Variants in CCDC152 observed in about 807,000 individuals in gnomAD.
CCDC152 encodes coiled-coil domain-containing protein 152.
In CCDC152, 37 loss-of-function variants were observed where a neutral mutation model predicts 38.1. That is an observed-to-expected ratio of 0.97 (90% CI 0.75 to 1.28). The LOEUF (loss-of-function observed/expected upper bound fraction) is 1.28, where lower values mean the gene tolerates loss of function less well. Among genes scored for constraint, CCDC152 ranks in the 50% most tolerant of loss-of-function variants. The pLI is 0.00. For synonymous variants in CCDC152, 83 were observed against 87.1 expected, an observed-to-expected ratio of 0.95 and a Z score of 0.26; for missense variants, 259 against 292.1, an observed-to-expected ratio of 0.89 and a Z score of 0.83.
chr5:42,776,777 A>C (rs1388891693), intron 4 of CCDC152, among the ~76,000 whole-genome samples: 3 of 152,252 alleles, frequency 2.0e-5, no homozygotes, highest in Non-Finnish European at 4.4e-5. Context: ...GAAAAATCTC[A>C]AAATATATGC....
chr5:42,768,512 G>T (rs1474643689), intron 3 of CCDC152, among the ~76,000 whole-genome samples: 2 of 152,156 alleles, frequency 1.3e-5, no homozygotes, highest in Non-Finnish European at 1.5e-5. Context: ...GCTTGAATGC[G>T]CATGTCAAGG....
chr5:42,781,491 T>A (rs1386677409), intron 5 of CCDC152, among the ~76,000 whole-genome samples: 2 of 151,748 alleles, frequency 1.3e-5, no homozygotes, highest in Non-Finnish European at 1.5e-5. Flanking sequence ...CTGTTTAACC[T>A]CCTCAGTACC....
rs1760163112 is a variant in CCDC152, at chr5:42,800,641, C to CT, written c.*861dup. On this transcript the variant is annotated 3_prime_UTR_variant, in exon 9 of 9. Transcript: ENST00000361970. ...AAATCTAATTTCTATTTTTGGTTCA[C>CT]TAATTTGGTAGTTTATAAAAATGCT... 1 of 1,468,286 alleles carries CT rather than the reference C, an allele frequency of 6.8e-7. No individual in the cohort carries two copies. Among genetic ancestry groups the CT allele is most frequent in the Non-Finnish European group, 9.1e-7 (1 of 1,097,300 alleles). The allele number at this position is 1,468,286 out of a possible 1,614,324, so 91.0% of individuals were successfully genotyped here. A position where few individuals can be genotyped will look rare whatever the true frequency, so the allele number is the denominator to read the frequency against.
In CCDC152 at chr5:42,769,649, T is replaced by C. The variant is rs1759672118; in HGVS notation, c.246T>C (p.Tyr82=). Reference sequence around the variant, plus strand: ...AAGGGCTACAACAGACCATTGAATATCAACAGAATTTGAAAGGTAAGTTAG... The same window carrying C: ...AAGGGCTACAACAGACCATTGAATACCAACAGAATTTGAAAGGTAAGTTAG... The part of the protein sequence containing the change: ...IIKGLQQTIE[Y]QQNLKGENEQ... The change falls in exon 4 of 9, where the codon TAT becomes TAC. Residue 82 remains tyrosine (Y), a synonymous_variant. Coordinates refer to ENST00000361970, the MANE Select transcript of CCDC152 (RefSeq NM_001134848.2). 6.7e-7 allele frequency: 1 copy of C among 1,486,866 alleles called. No homozygotes were observed. The highest frequency in any genetic ancestry group is 2.4e-5 in the Admixed American group (1 of 42,398). 92.1% of individuals were successfully genotyped at this position (1,486,866 alleles called of 1,614,324 possible).
chr5:42,798,960 A>G (rs1760119438), intron 7 of CCDC152, among the ~76,000 whole-genome samples: 1 of 152,174 alleles, frequency 6.6e-6, no homozygotes, highest in Non-Finnish European at 1.5e-5. Context: ...ACTGTTTATT[A>G]CATTTTCTTT....
chr5:42,782,898 G>T (rs183234775), intron 5 of CCDC152, among the ~76,000 whole-genome samples: 6 of 150,696 alleles, frequency 4.0e-5, no homozygotes, highest in Admixed American at 2.0e-4. Context: ...ACAGAGTCTC[G>T]CTCTGTCCCC....
intron 6 of CCDC152, among the ~76,000 whole-genome samples, chr5:42,795,570 G>T (rs573350584): frequency 6.6e-6 from 1 of 152,104 alleles, no homozygotes. Flanking sequence ...TGCGGAATAC[G>T]TATTATTTTC....
intron 4 of CCDC152, among the ~76,000 whole-genome samples, chr5:42,775,913 T>TA (rs34618464): frequency 0.042 from 4,461 of 105,198 alleles, 162 homozygotes; most frequent in African/African-American, 0.12. Context: ...GGACAATCAC[T>TA]AAAAAAAAAA....
At chr5:42,778,234 A>C (rs1387361076) in intron 4 of CCDC152, among the ~76,000 whole-genome samples, 4 of 152,210 alleles carry the variant, frequency 2.6e-5, no homozygotes, top group Non-Finnish European at 5.9e-5. Context: ...TGTTGGAGTG[A>C]GTCCAGACTG....
chr5:42,776,832 TATC>T (rs1759773785), intron 4 of CCDC152, among the ~76,000 whole-genome samples: 1 of 152,124 alleles, frequency 6.6e-6, no homozygotes, highest in Non-Finnish European at 1.5e-5. Flanking sequence ...AAAAAACAAA[TATC>T]AACAGAAAAT....
At chr5:42,792,062 A>G (rs1005999630) in intron 6 of CCDC152, among the ~76,000 whole-genome samples, 1 of 152,204 alleles carries the variant, frequency 6.6e-6, no homozygotes, top group Non-Finnish European at 1.5e-5. Context: ...AGCTTTTACT[A>G]GGAAAGAGTG....
rs1760150241 is a variant in CCDC152 at position 42,800,226 on chromosome 5, C to CT, written c.*451dup. On this transcript the variant is annotated 3_prime_UTR_variant, in exon 9 of 9. Coordinates refer to ENST00000361970, the MANE Select transcript of CCDC152 (RefSeq NM_001134848.2). The stretch of plus-strand genomic sequence containing the variant: ...TGGATATTTAAAATAGTTATATATG[C>CT]TTTTTTAGCAAAATATTCACGTGTT... 6.4e-6 allele frequency: 1 copy of CT among 156,610 alleles called. No homozygotes were observed. 9.7% of individuals were successfully genotyped at this position (156,610 alleles called of 1,614,324 possible). A position where few individuals can be genotyped will look rare whatever the true frequency, so the allele number is the denominator to read the frequency against.
intron 2 of CCDC152, 107 bp downstream of exon 2, chr5:42,759,315 T>A: frequency 3.4e-6 from 2 of 592,684 alleles, no homozygotes; most frequent in Non-Finnish European, 5.9e-6. Flanking sequence ...ATGATCAAGA[T>A]AATAATATTA....
At chr5:42,778,070 T>G (rs186954092) in intron 4 of CCDC152, among the ~76,000 whole-genome samples, 4 of 152,340 alleles carry the variant, frequency 2.6e-5, no homozygotes, top group African/African-American at 9.6e-5. Flanking sequence ...TGGTTGTGTT[T>G]ATAGTTAAGG....
intron 3 of CCDC152, among the ~76,000 whole-genome samples, chr5:42,765,081 A>T (rs1312938855): frequency 6.6e-6 from 1 of 152,268 alleles, no homozygotes; most frequent in Non-Finnish European, 1.5e-5. Flanking sequence ...GTTGCAGAAT[A>T]CAAAATCAAC....
chr5:42,800,581 G>A lies in CCDC152; in HGVS notation c.*800G>A. ...TTCTATGACATAAAATTTAAAATCTGGAAGCCAATTCAGTAGATTTCTCCA... is the reference window on the plus strand; with the variant it reads ...TTCTATGACATAAAATTTAAAATCTAGAAGCCAATTCAGTAGATTTCTCCA... On this transcript the variant is annotated 3_prime_UTR_variant, in exon 9 of 9. Coordinates refer to ENST00000361970, the MANE Select transcript of CCDC152 (RefSeq NM_001134848.2). 1 of 1,042,104 alleles carries A rather than the reference G, an allele frequency of 9.6e-7. No homozygotes were observed. Among genetic ancestry groups the A allele is most frequent in the African/African-American group, 1.6e-5 (1 of 62,828 alleles). The allele number at this position is 1,042,104 out of a possible 1,614,324, so 64.6% of individuals were successfully genotyped here.
Position 42,799,352 on chromosome 5 carries a change from ACTTT to A in CCDC152, c.559-18_559-15del, listed in dbSNP as rs1414706180. 7.8e-7 allele frequency: 1 copy of A among 1,283,714 alleles called. No homozygotes were observed. Among genetic ancestry groups the A allele is most frequent in the South Asian group, 1.4e-5 (1 of 73,342 alleles). 79.5% of individuals were successfully genotyped at this position (1,283,714 alleles called of 1,614,324 possible). On this transcript the variant is annotated intron_variant, in intron 7 of 8. Coordinates refer to ENST00000361970, the MANE Select transcript of CCDC152 (RefSeq NM_001134848.2). ...TTTCTAATTGTCTAGAGTTTCAATAACTTTCTTTTCAATTTGATTCAGTTTGATG... is the reference window on the plus strand; with the variant it reads ...TTTCTAATTGTCTAGAGTTTCAATAACTTTTCAATTTGATTCAGTTTGATG...
chr5:42,783,023 CCACG>C (rs1247193192), intron 5 of CCDC152, among the ~76,000 whole-genome samples: 1 of 151,902 alleles, frequency 6.6e-6, no homozygotes, highest in Non-Finnish European at 1.5e-5. Flanking sequence ...GTGCCCACCA[CCACG>C]CCCAGCTAAT....
intron 6 of CCDC152, among the ~76,000 whole-genome samples, chr5:42,790,467 C>A (rs1261030606): frequency 6.6e-6 from 1 of 152,142 alleles, no homozygotes; most frequent in Non-Finnish European, 1.5e-5. Flanking sequence ...ATGGTACAGT[C>A]ACTTTAAAAA....
Sources: gnomAD v4.1 joint callset for allele counts (sites outside exome capture counted in the v4.1 genomes callset) on GRCh38, gnomAD v4.1.1 for gene constraint, MANE v1.5 for transcripts, NCBI Gene and HGNC (gene_info 2026-07-23, HGNC 2026-07-21) for gene names.